TBCK: variants seen among roughly 807,000 people sequenced by gnomAD.
TBCK encodes the protein TBC domain-containing protein kinase-like protein.
TBCK carries 99 observed loss-of-function variants against 113.4 expected under a neutral mutation model. That is an observed-to-expected ratio of 0.87 (90% CI 0.74 to 1.03). TBCK has a LOEUF of 1.03. Ranked by LOEUF, TBCK falls within the 50% of genes least tolerant of loss-of-function variation. The probability of loss-of-function intolerance (pLI) is 0.00; values close to 1 mark genes in which losing one functional copy is unlikely to be tolerated. For synonymous variants in TBCK, 369 were observed against 370.8 expected (o/e 1.00, Z 0.05); for missense variants, 1,045 against 1,061.3 (o/e 0.98, Z 0.21).
chr4:106,150,016 A>G (rs1579055130), intron 23 of TBCK, among the ~76,000 whole-genome samples: 2 of 152,334 alleles, frequency 1.3e-5, no homozygotes, highest in Middle Eastern at 6.8e-3. Context: ...ATGACTTTAG[A>G]AATTCTGTTG....
intron 22 of TBCK, among the ~76,000 whole-genome samples, chr4:106,179,591 C>A (rs1003422550): frequency 6.6e-6 from 1 of 151,922 alleles, no homozygotes; most frequent in Non-Finnish European, 1.5e-5. Context: ...TAATTTTATT[C>A]CATTGTGATC....
intron 6 of TBCK, among the ~76,000 whole-genome samples, chr4:106,251,541 T>A (rs1238849605): frequency 6.6e-6 from 1 of 151,934 alleles, no homozygotes; most frequent in African/African-American, 2.4e-5. Flanking sequence ...CATTTCAATA[T>A]CTTGTTAAAC....
intron 25 of TBCK, among the ~76,000 whole-genome samples, chr4:106,084,012 A>G (rs1279905488): frequency 6.6e-6 from 1 of 152,244 alleles, no homozygotes; most frequent in East Asian, 1.9e-4. Flanking sequence ...TGAAAACCCC[A>G]AAAGCCAGAG....
chr4:106,085,397 C>G (rs576500457), intron 25 of TBCK, among the ~76,000 whole-genome samples: 5 of 152,270 alleles, frequency 3.3e-5, no homozygotes, highest in Admixed American at 1.3e-4. Flanking sequence ...GTAAAGGGAA[C>G]AATTCAGCAA....
intron 22 of TBCK, among the ~76,000 whole-genome samples, chr4:106,175,773 C>T (rs1751592392): frequency 6.6e-6 from 1 of 152,128 alleles, no homozygotes; most frequent in Admixed American, 6.6e-5. Context: ...CATTATACTT[C>T]CTTGATATTG....
rs866459004 is a variant in TBCK, at chr4:106,262,477, A to C, written c.267-265T>G. On this transcript the variant is annotated intron_variant, in intron 3 of 25. Transcript: ENST00000394708. ...TAGCAGTATTTGGTTCTTCCACGAA[A>C]GGGCTTTAATTTTGGTGGTGAGTGC... 6.6e-5 allele frequency among the ~76,000 whole-genome samples: 10 copies of C among 152,182 alleles called. No individual in the cohort carries two copies. The South Asian group carries it at 2.1e-3, about 32-fold the overall frequency.
intron 25 of TBCK, among the ~76,000 whole-genome samples, chr4:106,084,907 G>C (rs1340306157): frequency 6.6e-6 from 1 of 152,096 alleles, no homozygotes; most frequent in Non-Finnish European, 1.5e-5. Flanking sequence ...TTACCACCAG[G>C]TCAGTCCTGC....
intron 10 of TBCK, among the ~76,000 whole-genome samples, chr4:106,246,444 T>G (rs1336168520): frequency 6.6e-6 from 1 of 152,144 alleles, no homozygotes; most frequent in Non-Finnish European, 1.5e-5. Flanking sequence ...AAGCTGATAT[T>G]CTCTTCAATA....
At chr4:106,289,663 G>A (rs560224887) in intron 3 of TBCK, among the ~76,000 whole-genome samples, 6 of 151,652 alleles carry the variant, frequency 4.0e-5, no homozygotes, top group African/African-American at 1.5e-4. Context: ...AGCTGCTCAG[G>A]AGGCTGAGAC....
chr4:106,180,376 T>C (rs375161641), intron 22 of TBCK, among the ~76,000 whole-genome samples: 36 of 152,032 alleles, frequency 2.4e-4, no homozygotes, highest in African/African-American at 7.5e-4. Context: ...TCTAGTAGTA[T>C]GTTTTTTTTC....
rs1486772853 is a variant in TBCK at position 106,044,326 on chromosome 4, C to A, written c.*2244G>T. 6.6e-6 allele frequency: 1 copy of A among 152,172 alleles called. No individual in the cohort carries two copies. Among genetic ancestry groups the A allele is most frequent in the East Asian group, 1.9e-4 (1 of 5,200 alleles). The allele number at this position is 152,172 out of a possible 1,614,324, so 9.4% of individuals were successfully genotyped here. On this transcript the variant is annotated 3_prime_UTR_variant, in exon 26 of 26. Coordinates refer to ENST00000394708, the MANE Select transcript of TBCK (RefSeq NM_001163435.3). ...AGGAAGAAAATAGTAATTGCCAGGACAGGAGGATTTAATATTTCTCTGAAG... is the reference window on the plus strand; with the variant it reads ...AGGAAGAAAATAGTAATTGCCAGGAAAGGAGGATTTAATATTTCTCTGAAG...
At chr4:106,129,010 G>C (rs956998304) in intron 23 of TBCK, among the ~76,000 whole-genome samples, 2 of 152,118 alleles carry the variant, frequency 1.3e-5, no homozygotes, top group South Asian at 4.2e-4. Flanking sequence ...GATTTGAAAT[G>C]GCATCATTCT....
At chr4:106,086,244 C>T (rs1199711448) in intron 25 of TBCK, among the ~76,000 whole-genome samples, 2 of 151,542 alleles carry the variant, frequency 1.3e-5, no homozygotes, top group African/African-American at 2.4e-5. Context: ...AAATGATAAA[C>T]AGGATATAAC....
chr4:106,102,159 T>C (rs1016738909), intron 24 of TBCK, among the ~76,000 whole-genome samples: 1 of 152,190 alleles, frequency 6.6e-6, no homozygotes, highest in African/African-American at 2.4e-5. Context: ...TATATTAGGG[T>C]TTCTTCTTAT....
chr4:106,269,479 A>C lies in TBCK; in HGVS notation c.267-7267T>G, dbSNP rs561980185. 6.6e-5 allele frequency among the ~76,000 whole-genome samples: 10 copies of C among 152,242 alleles called. No homozygotes were observed. In the South Asian group the frequency reaches 1.9e-3, roughly 28 times the overall value. ...ATTTAACAGAGCAAAAAGGATGAAAAATACAACAGTTTCTGGAATTGAAAA... is the reference window on the plus strand; with the variant it reads ...ATTTAACAGAGCAAAAAGGATGAAACATACAACAGTTTCTGGAATTGAAAA... On this transcript the variant is annotated intron_variant, in intron 3 of 25. Transcript: ENST00000394708.
intron 23 of TBCK, among the ~76,000 whole-genome samples, chr4:106,130,397 G>A (rs1431701923): frequency 1.3e-5 from 2 of 152,002 alleles, no homozygotes; most frequent in Non-Finnish European, 2.9e-5. Context: ...CACAATAAAA[G>A]AGGATAGAAC....
chr4:106,123,312 C>G (rs1421412587), intron 23 of TBCK, among the ~76,000 whole-genome samples: 1 of 152,186 alleles, frequency 6.6e-6, no homozygotes, highest in Non-Finnish European at 1.5e-5. Context: ...ATCCAACTTA[C>G]AAGGCATGTG....
chr4:106,062,035 A>C (rs1736114413), intron 25 of TBCK, among the ~76,000 whole-genome samples: 1 of 151,428 alleles, frequency 6.6e-6, no homozygotes, highest in Non-Finnish European at 1.5e-5. Context: ...TAGTTCAAAA[A>C]CCTCCTGAAA....
chr4:106,176,825 A>C (rs1312342473), intron 22 of TBCK, among the ~76,000 whole-genome samples: 1 of 151,850 alleles, frequency 6.6e-6, no homozygotes. Flanking sequence ...CACTTTCTGC[A>C]CCATCTATTA....
Sources: gnomAD v4.1 joint callset for allele counts (sites outside exome capture counted in the v4.1 genomes callset) on GRCh38, gnomAD v4.1.1 for gene constraint, MANE v1.5 for transcripts, NCBI Gene and HGNC (gene_info 2026-07-23, HGNC 2026-07-21) for gene names.